DENND4C: variants seen among roughly 807,000 people sequenced by gnomAD.
DENND4C encodes DENN domain containing 4C, also known as DENN domain-containing protein 4C.
DENND4C carries 108 observed loss-of-function variants against 203.0 expected under a neutral mutation model. That is an observed-to-expected ratio of 0.53 (90% CI 0.46 to 0.62). DENND4C has a LOEUF of 0.62. Ranked by LOEUF, DENND4C falls within the 20% of genes least tolerant of loss-of-function variation. The pLI, the probability that DENND4C is intolerant of heterozygous loss-of-function variation, is 0.00. For synonymous variants in DENND4C, 871 were observed against 792.4 expected, an observed-to-expected ratio of 1.10 and a Z score of -1.67; for missense variants, 2,481 against 2,301.2, an observed-to-expected ratio of 1.08 and a Z score of -1.60.
In DENND4C at chr9:19,363,374, G is replaced by A. The variant is rs147902095; in HGVS notation, c.5524+1411G>A. Among the ~76,000 whole-genome samples the A allele has an allele frequency of 2.2e-3, 336 of 152,150 alleles. 1 individual carries two copies. Among genetic ancestry groups the A allele is most frequent in the Admixed American group, 5.6e-3 (86 of 15,290 alleles). ...CTAAAAATACAAAATTCAGCTGGGC[G>A]TGGTGGTGGGCACCTGTAGTTCCAG... On this transcript the variant is annotated intron_variant, in intron 30 of 32. Coordinates refer to ENST00000434457, the MANE Select transcript of DENND4C (RefSeq NM_001330640.2).
chr9:19,272,469 T>G (rs987914656), intron 1 of DENND4C, among the ~76,000 whole-genome samples: 1 of 150,946 alleles, frequency 6.6e-6, no homozygotes, highest in Non-Finnish European at 1.5e-5. Flanking sequence ...CCCAGGCTGG[T>G]CTTGAACTAC....
At chr9:19,267,608 A>G (rs1224131068) in intron 1 of DENND4C, among the ~76,000 whole-genome samples, 2 of 151,446 alleles carry the variant, frequency 1.3e-5, no homozygotes, top group African/African-American at 2.4e-5. Context: ...GTGATCACGG[A>G]TTACTGTGAC....
In DENND4C at chr9:19,357,084, A is replaced by G. The variant is rs772038286; in HGVS notation, c.4894A>G (p.Ile1632Val). Reference sequence around the variant, plus strand: ...ATCCAGTTTAGCAGAACCTGACTTGATCAACTTTATGGACTTCCCAAAACA... The same window carrying G: ...ATCCAGTTTAGCAGAACCTGACTTGGTCAACTTTATGGACTTCCCAAAACA... ...PVSSLAEPDL[I>V]NFMDFPKHNQ... The change falls in exon 27 of 33, where the codon ATC (isoleucine) becomes GTC (valine). Residue 1632 changes from isoleucine to valine, a missense_variant. Ile to Val is a conservative substitution (Grantham distance 29, BLOSUM62 3). Transcript: ENST00000434457. The G allele has an allele frequency of 1.2e-6, 2 of 1,613,944 alleles. No individual in the cohort carries two copies. The highest frequency in any genetic ancestry group is 1.7e-5 in the Admixed American group (1 of 59,996).
intron 8 of DENND4C, 31 bp from the exon 9 acceptor site, chr9:19,300,156 A>C (rs747331448): frequency 8.3e-6 from 13 of 1,567,552 alleles, no homozygotes; most frequent in Non-Finnish European, 1.0e-5. Flanking sequence ...AATAGTTCAC[A>C]ATGATCTACT....
At chr9:19,238,776 C>T (rs1049070776) in intron 1 of DENND4C, among the ~76,000 whole-genome samples, 3 of 147,890 alleles carry the variant, frequency 2.0e-5, no homozygotes, top group Non-Finnish European at 3.0e-5. Flanking sequence ...GCCTCAGCCT[C>T]CTAAGTAGTC....
chr9:19,326,176 A>G lies in DENND4C; in HGVS notation c.2102A>G (p.Asp701Gly), dbSNP rs1335337366. Residue 701 changes from aspartate to glycine, a missense_variant, in exon 15 of 33, where the codon GAC (aspartate) becomes GGC (glycine). This residue lies in a region of DENND4C where 2,289 missense variants were observed against 2,113.3 expected (regional missense o/e 1.08). Transcript: ENST00000434457. The part of the protein sequence containing the change: ...PPEPPPDDGK[D>G]LSPKYSYKYF... ...GAGCCACCTCCTGATGATGGAAAGGACCTGTCACCAAAGTACAGGTAGTAG... is the reference window on the plus strand; with the variant it reads ...GAGCCACCTCCTGATGATGGAAAGGGCCTGTCACCAAAGTACAGGTAGTAG... 1 of 1,612,248 alleles carries G rather than the reference A, an allele frequency of 6.2e-7. No individual in the cohort carries two copies. The highest frequency in any genetic ancestry group is 8.5e-7 in the Non-Finnish European group (1 of 1,179,436).
At chr9:19,238,968 T>C (rs1822997140) in intron 1 of DENND4C, among the ~76,000 whole-genome samples, 1 of 151,864 alleles carries the variant, frequency 6.6e-6, no homozygotes, top group African/African-American at 2.4e-5. Flanking sequence ...TATTCCTTTG[T>C]TCTTTTTTTA....
intron 1 of DENND4C, among the ~76,000 whole-genome samples, chr9:19,269,443 G>A (rs1319208656): frequency 1.3e-5 from 2 of 152,180 alleles, no homozygotes; most frequent in Non-Finnish European, 2.9e-5. Flanking sequence ...ACAGGCCTGA[G>A]CCACCGTGTC....
In DENND4C at chr9:19,296,096, C is replaced by A. The variant is rs750723437; in HGVS notation, c.890C>A (p.Pro297His). 8.7e-6 allele frequency: 14 copies of A among 1,614,044 alleles called. No individual in the cohort carries two copies. The highest frequency in any genetic ancestry group is 1.2e-5 in the Non-Finnish European group (14 of 1,179,990). Residue 297 changes from proline to histidine, a missense_variant, in exon 6 of 33, where the codon CCT (proline) becomes CAT (histidine). Coordinates refer to ENST00000434457, the MANE Select transcript of DENND4C (RefSeq NM_001330640.2). ...CTTATGCACCTGGGCTTGTTGACGC[C>A]TGTGGAGAGAAAAATGGTCTCCAAA... The part of the protein sequence containing the change: ...KQLMHLGLLT[P>H]VERKMVSKSI...
At chr9:19,332,420 G>A (rs991586297) in intron 17 of DENND4C, among the ~76,000 whole-genome samples, 2 of 151,752 alleles carry the variant, frequency 1.3e-5, no homozygotes, top group African/African-American at 4.8e-5. Context: ...TCAGCAGTGC[G>A]TCCTTGGCTC....
At chr9:19,366,631 C>T (rs1827746673) in intron 30 of DENND4C, among the ~76,000 whole-genome samples, 1 of 152,090 alleles carries the variant, frequency 6.6e-6, no homozygotes, top group Non-Finnish European at 1.5e-5. Context: ...TCAACACGTG[C>T]TGGGACAACA....
Position 19,357,996 on chromosome 9 carries a change from C to G in DENND4C, c.4996C>G (p.Gln1666Glu). ...DEIKRASGDVQTMKISSVPNS... is the reference protein window; with the variant it reads ...DEIKRASGDVETMKISSVPNS... ...AATAAAGAGAGCCAGTGGAGATGTCCAAACTATGAAAATTTCATCTGTGCC... is the reference window on the plus strand; with the variant it reads ...AATAAAGAGAGCCAGTGGAGATGTCGAAACTATGAAAATTTCATCTGTGCC... The change falls in exon 28 of 33, where the codon CAA becomes GAA. Residue 1666 changes from glutamine (Q) to glutamate (E), a missense_variant. Physicochemically the swap from Gln to Glu is conservative, Grantham distance 29. Transcript: ENST00000434457. The G allele has an allele frequency of 1.2e-6, 2 of 1,612,458 alleles. No homozygotes were observed. The highest frequency in any genetic ancestry group is 3.3e-4 in the Middle Eastern group (2 of 6,058).
Position 19,346,994 on chromosome 9 carries a change from G to A in DENND4C, c.4225G>A (p.Asp1409Asn). Residue 1409 changes from aspartate (D) to asparagine (N), a missense_variant, in exon 23 of 33, where the codon GAT (aspartate) becomes AAT (asparagine). This residue lies in a region of DENND4C where 2,289 missense variants were observed against 2,113.3 expected (regional missense o/e 1.08). Transcript: ENST00000434457. ...LDNILSGPKI[D>N]VLKSGMKQAA... is the part of the protein sequence containing the mutation. ...TAATATACTCTCAGGGCCCAAGATAGATGTCCTGAAATCTGGTATGAAACA... is the reference window on the plus strand; with the variant it reads ...TAATATACTCTCAGGGCCCAAGATAAATGTCCTGAAATCTGGTATGAAACA... 6.2e-7 allele frequency: 1 copy of A among 1,614,186 alleles called. No homozygotes were observed.
At chr9:19,362,312 A>G (rs1278183067) in intron 30 of DENND4C, among the ~76,000 whole-genome samples, 1 of 152,118 alleles carries the variant, frequency 6.6e-6, no homozygotes, top group Non-Finnish European at 1.5e-5. Flanking sequence ...AAGACATAAA[A>G]GACTCAAAAT....
At chr9:19,234,862 A>G (rs531341429) in intron 1 of DENND4C, among the ~76,000 whole-genome samples, 1 of 151,556 alleles carries the variant, frequency 6.6e-6, no homozygotes, top group South Asian at 2.1e-4. Flanking sequence ...TACTCTTAAA[A>G]TAATGCTATA....
chr9:19,294,726 G>A (rs1194885350), intron 5 of DENND4C, among the ~76,000 whole-genome samples: 1 of 152,186 alleles, frequency 6.6e-6, no homozygotes, highest in Non-Finnish European at 1.5e-5. Flanking sequence ...ATGAAATTCA[G>A]ATATTTGCTA....
At chr9:19,310,808 T>A (rs116974733) in intron 10 of DENND4C, among the ~76,000 whole-genome samples, 3,912 of 152,246 alleles carry the variant, frequency 0.026, 84 homozygotes, top group Non-Finnish European at 0.037. Context: ...AAAAAAAACC[T>A]TTTTGTTCAG....
intron 1 of DENND4C, among the ~76,000 whole-genome samples, chr9:19,248,814 T>C (rs1394929617): frequency 1.3e-5 from 2 of 152,026 alleles, no homozygotes; most frequent in Admixed American, 6.6e-5. Flanking sequence ...TTTTTTTTTT[T>C]TGAGACCAAG....
chr9:19,324,359 C>T lies in DENND4C; in HGVS notation c.1808-3C>T. ...GAATTTAATTATATTTTGTTTTCCT[C>T]AGGATTTTTAAAAAGTCGAGATCGT... is the stretch of plus-strand genomic sequence containing the variant. On this transcript the variant is annotated splice_region_variant and splice_polypyrimidine_tract_variant and intron_variant, in intron 12 of 32. Coordinates refer to ENST00000434457, the MANE Select transcript of DENND4C (RefSeq NM_001330640.2). 1 of 1,581,054 alleles carries T rather than the reference C, an allele frequency of 6.3e-7. No individual in the cohort carries two copies. Among genetic ancestry groups the T allele is most frequent in the Non-Finnish European group, 8.6e-7 (1 of 1,169,334 alleles).
Sources: allele counts gnomAD v4.1 joint callset (sites outside exome capture counted in the v4.1 genomes callset), GRCh38; gene constraint gnomAD v4.1.1; regional missense constraint gnomAD v4.1.1; transcripts MANE v1.5; gene names NCBI Gene and HGNC (gene_info 2026-07-23, HGNC 2026-07-21).